The following EXOC6 variants were observed in gnomAD, a reference collection of about 807,000 sequenced individuals.
EXOC6 encodes SEC15-like 1.
Under a neutral mutation model 112.5 loss-of-function variants are expected in EXOC6, and 60 were observed. The ratio of observed to expected loss-of-function variants is 0.53; its 90% CI spans 0.43 to 0.66. EXOC6 has a LOEUF of 0.66. Ranked by LOEUF, EXOC6 falls within the 30% of genes least tolerant of loss-of-function variation. EXOC6 has a pLI of 0.00. For missense variants in EXOC6, 855 were observed against 957.1 expected, an observed-to-expected ratio of 0.89 and a Z score of 1.41; for synonymous variants, 295 against 308.0, an observed-to-expected ratio of 0.96 and a Z score of 0.44.
At chr10:92,970,875 G>C (rs924462334) in intron 17 of EXOC6, among the ~76,000 whole-genome samples, 4 of 152,334 alleles carry the variant, frequency 2.6e-5, no homozygotes, top group Admixed American at 2.0e-4. Flanking sequence ...GGGAGCCAAA[G>C]AAGTGTTAAA....
chr10:92,959,604 A>G (rs1853875573), intron 17 of EXOC6, among the ~76,000 whole-genome samples: 1 of 152,314 alleles, frequency 6.6e-6, no homozygotes. Context: ...ATATTTGAAA[A>G]AGACTTATCT....
At position 92,928,374 on chromosome 10, in the gene EXOC6, A is replaced by G. The variant is rs771002716; in HGVS notation, c.924A>G (p.Lys308=). The change falls in exon 9 of 22, where the codon AAA becomes AAG. Residue 308 remains lysine, a synonymous_variant. Transcript: ENST00000260762. ...AAACATTTGAAAACTATTATCGAAA[A>G]CAAAGAAAGAAACAAGCAAGACTGG... is the stretch of plus-strand genomic sequence containing the variant. ...DEETFENYYR[K]QRKKQARLVL... is the part of the protein sequence containing the mutation. 62 of 1,610,646 alleles carry G rather than the reference A, an allele frequency of 3.8e-5. No homozygotes were observed. In the South Asian group the frequency reaches 5.8e-4, roughly 15 times the overall value.
chr10:92,896,174 TA>T (rs1849797856), intron 4 of EXOC6, among the ~76,000 whole-genome samples: 4 of 23,038 alleles, frequency 1.7e-4, no homozygotes, highest in Non-Finnish European at 2.1e-4. Context: ...TATATATATA[TA>T]TATATATTTT....
intron 1 of EXOC6, among the ~76,000 whole-genome samples, chr10:92,883,019 C>G (rs1040654748): frequency 6.6e-6 from 1 of 152,202 alleles, no homozygotes; most frequent in African/African-American, 2.4e-5. Context: ...CAATGTAGGG[C>G]AACGTTCTGC....
At chr10:92,844,583 G>A (rs904040010), upstream of EXOC6, among the ~76,000 whole-genome samples, 1 of 151,104 alleles carries the variant, frequency 6.6e-6, no homozygotes, top group African/African-American at 2.4e-5. Flanking sequence ...ACACAATCAG[G>A]TTTTTTTTTA....
At chr10:92,886,682 C>T (rs1387361744) in intron 1 of EXOC6, among the ~76,000 whole-genome samples, 1 of 152,220 alleles carries the variant, frequency 6.6e-6, no homozygotes, top group African/African-American at 2.4e-5. Flanking sequence ...TCCCAAACTA[C>T]ATTTGTAAAT....
rs141813516 is a variant in EXOC6 at position 92,893,514 on chromosome 10, A to C, written c.267A>C (p.Lys89Asn). The C allele has an allele frequency of 2.7e-4, 426 of 1,594,700 alleles. No homozygotes were observed. The highest frequency in any genetic ancestry group is 3.5e-4 in the Non-Finnish European group (406 of 1,172,330). ...TTAAAGTAAGGACTGATGCAGAAAAACTGAAGGTAAGAAATATGTTAAAAT... is the reference window on the plus strand; with the variant it reads ...TTAAAGTAAGGACTGATGCAGAAAACCTGAAGGTAAGAAATATGTTAAAAT... Reference protein sequence around the residue: ...ELLKVRTDAEKLKVQVTDTNR... With the variant: ...ELLKVRTDAENLKVQVTDTNR... The change falls in exon 2 of 22, where the codon AAA becomes AAC. Residue 89 changes from lysine (K) to asparagine (N), a missense_variant. Transcript: ENST00000260762.
intron 1 of EXOC6, among the ~76,000 whole-genome samples, chr10:92,870,094 G>C (rs766372751): frequency 2.6e-5 from 4 of 151,692 alleles, no homozygotes; most frequent in Non-Finnish European, 4.4e-5. Flanking sequence ...TGGGATTAAA[G>C]GTGCCCACCA....
At chr10:92,984,055 A>G (rs931501848) in intron 18 of EXOC6, among the ~76,000 whole-genome samples, 1 of 152,104 alleles carries the variant, frequency 6.6e-6, no homozygotes, top group Non-Finnish European at 1.5e-5. Flanking sequence ...TCCAAGCTAA[A>G]CACCAGTAAA....
At chr10:93,033,062 A>G (rs1845342167) in intron 20 of EXOC6, among the ~76,000 whole-genome samples, 1 of 152,174 alleles carries the variant, frequency 6.6e-6, no homozygotes, top group Admixed American at 6.5e-5. Flanking sequence ...TATCAGAGCC[A>G]AATCATGTAA....
At chr10:92,937,208 G>A (rs1235446011) in intron 12 of EXOC6, among the ~76,000 whole-genome samples, 1 of 152,040 alleles carries the variant, frequency 6.6e-6, no homozygotes, top group Non-Finnish European at 1.5e-5. Context: ...ATGAAGTACA[G>A]ACTAGCATTT....
At chr10:92,895,719 G>A (rs10786057) in intron 4 of EXOC6, among the ~76,000 whole-genome samples, 119,207 of 151,242 alleles carry the variant, frequency 0.79, 48,198 homozygotes, top group East Asian at 1. Flanking sequence ...ATTTTTTTAG[G>A]GATAAAGTCT....
At chr10:92,998,831 C>T (rs1843617185) in intron 19 of EXOC6, among the ~76,000 whole-genome samples, 1 of 151,932 alleles carries the variant, frequency 6.6e-6, no homozygotes, top group South Asian at 2.1e-4. Flanking sequence ...ATATTTCTTT[C>T]TCAAAGTAAA....
intron 17 of EXOC6, among the ~76,000 whole-genome samples, chr10:92,956,393 C>T (rs76417142): frequency 0.011 from 1,623 of 152,186 alleles, 34 homozygotes; most frequent in African/African-American, 0.037. Context: ...TTTAACCTTA[C>T]AGCTCTTTCT....
Position 92,952,384 on chromosome 10 carries a change from T to C in EXOC6, c.1526+2T>C. The C allele has an allele frequency of 6.5e-7, 1 of 1,527,206 alleles. No individual in the cohort carries two copies. The highest frequency in any genetic ancestry group is 1.4e-5 in the African/African-American group (1 of 73,096). 94.6% of individuals were successfully genotyped at this position (1,527,206 alleles called of 1,614,324 possible). A position where few individuals can be genotyped will look rare whatever the true frequency, so the allele number is the denominator to read the frequency against. ...ATTTTCAGAGTCACTACACCGGAGG[T>C]GAGTTTACTAATCACAAATGCATTT... On this transcript the variant is annotated splice_donor_variant, in intron 15 of 21. Transcript: ENST00000260762. LOFTEE classifies it high-confidence loss of function.
chr10:92,970,622 C>G (rs947078747), intron 17 of EXOC6, among the ~76,000 whole-genome samples: 2 of 152,190 alleles, frequency 1.3e-5, no homozygotes, highest in African/African-American at 4.8e-5. Flanking sequence ...TCTGTTTTAT[C>G]TAAAGTAATG....
At chr10:92,872,906 G>A (rs1848519155) in intron 1 of EXOC6, among the ~76,000 whole-genome samples, 1 of 152,200 alleles carries the variant, frequency 6.6e-6, no homozygotes, top group Middle Eastern at 3.4e-3. Flanking sequence ...GACTTGGGTT[G>A]AGTATATAGT....
intron 1 of EXOC6, among the ~76,000 whole-genome samples, chr10:92,868,890 T>G (rs903621270): frequency 9.5e-5 from 14 of 147,036 alleles, no homozygotes; most frequent in Non-Finnish European, 2.1e-4. Flanking sequence ...ATGACTCACC[T>G]TGTAGCCTCA....
At chr10:92,997,252 A>G (rs1843535408) in intron 18 of EXOC6, among the ~76,000 whole-genome samples, 1 of 152,154 alleles carries the variant, frequency 6.6e-6, no homozygotes, top group Non-Finnish European at 1.5e-5. Context: ...CTTTAATGAT[A>G]TTTATATCCT....
Sources: gnomAD v4.1 joint callset for allele counts (sites outside exome capture counted in the v4.1 genomes callset) on GRCh38, gnomAD v4.1.1 for gene constraint, MANE v1.5 for transcripts, NCBI Gene and HGNC (gene_info 2026-07-23, HGNC 2026-07-21) for gene names.